The following SLC6A13 variants were observed in gnomAD, a reference collection of about 807,000 sequenced individuals.
SLC6A13 encodes the protein solute carrier family 6 member 13, also known as sodium- and chloride-dependent GABA transporter 2.
SLC6A13 carries 69 observed loss-of-function variants against 72.9 expected under a neutral mutation model. The observed-to-expected ratio is 0.95, with a 90% CI of 0.78 to 1.16. The LOEUF is 1.16. Among genes scored for constraint, SLC6A13 ranks in the 50% most tolerant of loss-of-function variants. The probability of loss-of-function intolerance (pLI) is 0.00; values close to 1 mark genes in which losing one functional copy is unlikely to be tolerated. For missense variants in SLC6A13, 735 were observed against 760.5 expected, an observed-to-expected ratio of 0.97 and a Z score of 0.39; for synonymous variants, 303 against 303.0, an observed-to-expected ratio of 1.00 and a Z score of 0.00.
At chr12:260,197 C>T (rs1591877693) in intron 1 of SLC6A13, 140 bp from the exon 2 acceptor site, 1 of 859,240 alleles carries the variant, frequency 1.2e-6, no homozygotes, top group East Asian at 2.6e-5. Context: ...AGACCATGTC[C>T]TCCTTAGCAG....
chr12:227,186 A>C (rs145245543), intron 8 of SLC6A13, among the ~76,000 whole-genome samples: 7 of 150,736 alleles, frequency 4.6e-5, no homozygotes, highest in Non-Finnish European at 8.9e-5. Context: ...TAAGCAAAAC[A>C]ACCTATAATG....
intron 2 of SLC6A13, among the ~76,000 whole-genome samples, chr12:245,695 A>G (rs1356320161): frequency 2.0e-5 from 3 of 151,590 alleles, no homozygotes; most frequent in Admixed American, 2.0e-4. Flanking sequence ...AAAAAGAAAG[A>G]AAGAAAAGGC....
chr12:252,834 G>C (rs1290048589), intron 2 of SLC6A13, among the ~76,000 whole-genome samples: 1 of 152,178 alleles, frequency 6.6e-6, no homozygotes, highest in Non-Finnish European at 1.5e-5. Context: ...GGGCCCCGTG[G>C]TCAGCTGCTC....
chr12:222,434 C>T (rs547680649), intron 13 of SLC6A13, 98 bp downstream of exon 13: 3 of 631,450 alleles, frequency 4.8e-6, no homozygotes, highest in Non-Finnish European at 8.1e-6. Flanking sequence ...TTTTCAGTTC[C>T]TAGGGAGAAG....
rs535239774 is a variant in SLC6A13, at chr12:237,400, T to C, written c.564-110A>G. 1.7e-5 allele frequency: 21 copies of C among 1,203,388 alleles called. No individual in the cohort carries two copies. The African/African-American group carries it at 2.7e-4, about 16-fold the overall frequency. 74.5% of individuals were successfully genotyped at this position (1,203,388 alleles called of 1,614,324 possible). On this transcript the variant is annotated intron_variant, in intron 5 of 14. Transcript: ENST00000343164. ...TGCCTCCAGGCTCTTGTCCAAAGGCTTCTCTGCTCTCTTCACATGAGGCCA... is the reference window on the plus strand; with the variant it reads ...TGCCTCCAGGCTCTTGTCCAAAGGCCTCTCTGCTCTCTTCACATGAGGCCA...
In SLC6A13 at chr12:230,272, G is replaced by T. The variant is rs139729654; in HGVS notation, c.832-2604C>A. Reference sequence around the variant, plus strand: ...ACGCAGGTAAAAGAGGTCTTGGGGGGAAGGAGGAGGAGAGGGGACTCTAGA... The same window carrying T: ...ACGCAGGTAAAAGAGGTCTTGGGGGTAAGGAGGAGGAGAGGGGACTCTAGA... On this transcript the variant is annotated intron_variant, in intron 7 of 14. Coordinates refer to ENST00000343164, the MANE Select transcript of SLC6A13 (RefSeq NM_016615.5). Among the ~76,000 whole-genome samples the T allele has an allele frequency of 1.8e-3, 272 of 152,316 alleles. 2 individuals are homozygous for T. Among genetic ancestry groups the T allele is most frequent in the African/African-American group, 6.2e-3 (258 of 41,562 alleles).
chr12:235,297 G>C, intron 6 of SLC6A13, 73 bp from the exon 7 acceptor site: 1 of 1,516,226 alleles, frequency 6.6e-7, no homozygotes, highest in Non-Finnish European at 9.1e-7. Flanking sequence ...AGGGGCAGGA[G>C]GCAGGGGCAA....
At chr12:261,784 G>C (rs930062978) in intron 1 of SLC6A13, among the ~76,000 whole-genome samples, 4 of 152,110 alleles carry the variant, frequency 2.6e-5, no homozygotes, top group African/African-American at 4.8e-5. Flanking sequence ...AAATTAGCTG[G>C]GCATGGTGGC....
intron 13 of SLC6A13, among the ~76,000 whole-genome samples, chr12:222,196 C>T (rs1039294929): frequency 1.3e-5 from 2 of 152,220 alleles, no homozygotes; most frequent in African/African-American, 2.4e-5. Context: ...AGTCAGGGCT[C>T]TATACCGGCT....
intron 6 of SLC6A13, 197 bp downstream of exon 6, chr12:236,961 C>T (rs1941954989): frequency 5.3e-6 from 3 of 562,382 alleles, no homozygotes; most frequent in Non-Finnish European, 9.3e-6. Flanking sequence ...GCCTTTCTCG[C>T]TCTCTTCCAG....
rs79429313 is a variant in SLC6A13, at chr12:239,998, A to C, written c.479-1988T>G. On this transcript the variant is annotated intron_variant, in intron 4 of 14. Coordinates refer to ENST00000343164, the MANE Select transcript of SLC6A13 (RefSeq NM_016615.5). ...TCCCAGAGACCCCCAGGCAATCCAA[A>C]GGAAGGTGGGCCTAATGAAGCCCTG... Among the ~76,000 whole-genome samples, 1,063 of 152,314 alleles carry C rather than the reference A, an allele frequency of 7.0e-3. 3 individuals carry two copies. The highest frequency in any genetic ancestry group is 0.011 in the Non-Finnish European group (775 of 68,028).
intron 13 of SLC6A13, among the ~76,000 whole-genome samples, chr12:222,158 G>A (rs541394971): frequency 1.3e-5 from 2 of 152,310 alleles, no homozygotes; most frequent in East Asian, 1.9e-4. Context: ...GACTTAATAC[G>A]AGTTAAAGCA....
intron 2 of SLC6A13, chr12:256,396 G>A (rs1942746916): frequency 6.6e-6 from 1 of 152,314 alleles, no homozygotes; most frequent in Non-Finnish European, 1.5e-5. Flanking sequence ...GCCTGGGGGT[G>A]GATCAGCTGC....
chr12:234,114 C>A (rs1237916795), intron 7 of SLC6A13, among the ~76,000 whole-genome samples: 2 of 152,168 alleles, frequency 1.3e-5, no homozygotes, highest in African/African-American at 2.4e-5. Context: ...CTCTAGGTTG[C>A]ACGCTCACTC....
rs149831603 is a variant in SLC6A13, at chr12:226,484, G to A, written c.966C>T (p.Ser322=). The change falls in exon 9 of 15, where the codon AGC becomes AGT. Residue 322 remains serine (S), a synonymous_variant. Coordinates refer to ENST00000343164, the MANE Select transcript of SLC6A13 (RefSeq NM_016615.5). ...CAAAGCCGGCCACAAAGCTGGTGCC[G>A]CTGTTGAGGAAGCAGAGGGCGATGC... ...RDCIALCFLN[S]GTSFVAGFAI... 97 of 1,613,820 alleles carry A rather than the reference G, an allele frequency of 6.0e-5. No homozygotes were observed. The highest frequency in any genetic ancestry group is 7.5e-5 in the Non-Finnish European group (89 of 1,179,886).
chr12:258,782 T>G (rs1319304786), intron 2 of SLC6A13, among the ~76,000 whole-genome samples: 1 of 152,112 alleles, frequency 6.6e-6, no homozygotes, highest in Non-Finnish European at 1.5e-5. Flanking sequence ...GAGAGGGGAA[T>G]GAGAAGCCAA....
chr12:226,682 A>C, intron 8 of SLC6A13, 168 bp from the exon 9 acceptor site: 1 of 735,018 alleles, frequency 1.4e-6, no homozygotes, highest in Non-Finnish European at 2.1e-6. Flanking sequence ...CACGCAAAGC[A>C]CTGGCTCTCC....
intron 2 of SLC6A13, among the ~76,000 whole-genome samples, chr12:253,019 T>C (rs1942609020): frequency 6.6e-6 from 1 of 152,214 alleles, no homozygotes; most frequent in South Asian, 2.1e-4. Context: ...CCTCTTCCCC[T>C]CCGCAGGTAC....
At chr12:229,501 T>C (rs1301017299) in intron 7 of SLC6A13, among the ~76,000 whole-genome samples, 2 of 152,226 alleles carry the variant, frequency 1.3e-5, no homozygotes, top group Admixed American at 6.5e-5. Context: ...GCTAAGTTAC[T>C]GGCAGCTTCA....
Sources: gnomAD v4.1 joint callset for allele counts (sites outside exome capture counted in the v4.1 genomes callset) on GRCh38, gnomAD v4.1.1 for gene constraint, MANE v1.5 for transcripts, NCBI Gene and HGNC (gene_info 2026-07-23, HGNC 2026-07-21) for gene names.